SYNE1: variants seen among roughly 807,000 people sequenced by gnomAD.
The protein encoded by SYNE1 is nesprin-1.
Under a neutral mutation model 1,111.0 loss-of-function variants are expected in SYNE1, and 616 were observed. That is an observed-to-expected ratio of 0.55 (90% CI 0.52 to 0.59). SYNE1 has a LOEUF of 0.59. SYNE1 is among the 20% of genes least tolerant of loss of function. The probability of loss-of-function intolerance (pLI) is 0.00; values close to 1 mark genes in which losing one functional copy is unlikely to be tolerated. For synonymous variants in SYNE1, 3,855 were observed against 3,825.8 expected (o/e 1.01, Z -0.28); for missense variants, 10,006 against 10,417.0 (o/e 0.96, Z 1.72).
At chr6:152,361,313 C>T (rs1265838957) in intron 64 of SYNE1, among the ~76,000 whole-genome samples, 1 of 152,180 alleles carries the variant, frequency 6.6e-6, no homozygotes. Flanking sequence ...GGAGATTGAG[C>T]TTATCCTGTA....
intron 87 of SYNE1, among the ~76,000 whole-genome samples, chr6:152,313,327 G>A (rs985788446): frequency 1.3e-5 from 2 of 152,040 alleles, no homozygotes; most frequent in African/African-American, 4.8e-5. Context: ...TAATTATTCT[G>A]TGACTAAGAA....
At chr6:152,262,590 G>A (rs938134286) in intron 100 of SYNE1, among the ~76,000 whole-genome samples, 4 of 152,184 alleles carry the variant, frequency 2.6e-5, no homozygotes, top group Non-Finnish European at 5.9e-5. Context: ...GCAGGACACA[G>A]GAGGGTACAA....
In SYNE1 at chr6:152,614,312, A is replaced by C. The variant is rs1583456093; in HGVS notation, c.67+13953T>G. Among the ~76,000 whole-genome samples the C allele has an allele frequency of 5.3e-5, 8 of 152,226 alleles. No homozygotes were observed. In the South Asian group the frequency reaches 1.4e-3, roughly 28 times the overall value. ...AAAAAAACAAACAACCCCATCAAAA[A>C]GTGGGCAAAGGATATAAACAGACAC... is the stretch of plus-strand genomic sequence containing the variant. On this transcript the variant is annotated intron_variant, in intron 3 of 145. Transcript: ENST00000367255.
intron 140 of SYNE1, among the ~76,000 whole-genome samples, chr6:152,138,006 G>A (rs1014194955): frequency 5.3e-5 from 8 of 152,134 alleles, no homozygotes; most frequent in African/African-American, 1.7e-4. Flanking sequence ...AACTTTTTAA[G>A]GAATCTGGTT....
intron 107 of SYNE1, among the ~76,000 whole-genome samples, chr6:152,240,445 G>T (rs919293881): frequency 2.0e-5 from 3 of 152,134 alleles, no homozygotes; most frequent in Non-Finnish European, 2.9e-5. Context: ...TTATAAATTT[G>T]CTTTCCTTGT....
At chr6:152,147,535 CA>C (rs1353940409) in intron 137 of SYNE1, 1 of 153,460 alleles carries the variant, frequency 6.5e-6, no homozygotes, top group African/African-American at 2.4e-5. Flanking sequence ...TGCCAATGAT[CA>C]AAAGCACCAG....
At chr6:152,597,815 C>T (rs983303564) in intron 3 of SYNE1, among the ~76,000 whole-genome samples, 2 of 152,164 alleles carry the variant, frequency 1.3e-5, no homozygotes, top group African/African-American at 4.8e-5. Context: ...TTTTTCTTCT[C>T]TAGAAAATCT....
intron 127 of SYNE1, among the ~76,000 whole-genome samples, chr6:152,195,408 G>A (rs901279612): frequency 4.6e-5 from 7 of 152,096 alleles, no homozygotes; most frequent in Non-Finnish European, 8.8e-5. Context: ...AGTTGTAGTC[G>A]GGACTTGTTT....
chr6:152,448,871 C>CAG (rs1564098545), intron 28 of SYNE1, among the ~76,000 whole-genome samples: 1 of 139,962 alleles, frequency 7.1e-6, no homozygotes, highest in African/African-American at 2.7e-5. Flanking sequence ...CAAACAAACA[C>CAG]TCAAAGGACA....
chr6:152,402,041 T>C (rs2097827883), intron 46 of SYNE1, among the ~76,000 whole-genome samples: 1 of 151,980 alleles, frequency 6.6e-6, no homozygotes, highest in South Asian at 2.1e-4. Flanking sequence ...TGGAAGGGAG[T>C]AAATATCTTT....
intron 3 of SYNE1, among the ~76,000 whole-genome samples, chr6:152,583,155 A>G (rs969949953): frequency 6.6e-6 from 1 of 152,202 alleles, no homozygotes; most frequent in Non-Finnish European, 1.5e-5. Flanking sequence ...CATTAAATAT[A>G]TATTTTGAGT....
At chr6:152,481,530 A>C (rs2098898834) in intron 14 of SYNE1, 2 of 453,254 alleles carry the variant, frequency 4.4e-6, no homozygotes, top group South Asian at 3.1e-5. Flanking sequence ...AGAAACATGC[A>C]CATGTACCCC....
chr6:152,413,333 T>C lies in SYNE1; in HGVS notation c.6230+19A>G, dbSNP rs2154176856. 1.2e-6 allele frequency: 2 copies of C among 1,613,968 alleles called. No homozygotes were observed. Among genetic ancestry groups the C allele is most frequent in the Non-Finnish European group, 1.7e-6 (2 of 1,179,920 alleles). ...TAAGTGGGAAGCTAAAAACAAGAAC[T>C]GGGTGGGTTTTGACTTACTTTTCAT... On this transcript the variant is annotated intron_variant, in intron 42 of 145. Transcript: ENST00000367255.
chr6:152,140,310 T>A lies in SYNE1; in HGVS notation c.25247-149A>T, dbSNP rs2058253345. 40 of 768,416 alleles carry A rather than the reference T, an allele frequency of 5.2e-5. No individual in the cohort carries two copies. In the South Asian group the frequency reaches 6.0e-4, roughly 12 times the overall value. The allele number at this position is 768,416 out of a possible 1,614,324, so 47.6% of individuals were successfully genotyped here. A position where few individuals can be genotyped will look rare whatever the true frequency, so the allele number is the denominator to read the frequency against. On this transcript the variant is annotated intron_variant, in intron 139 of 145. Transcript: ENST00000367255. ...CATTTTCGTTGTTGTCATCTGGAAA[T>A]AACAGTTACATGGGTACAATGGCTG...
At chr6:152,406,694 C>T (rs980177788) in intron 45 of SYNE1, among the ~76,000 whole-genome samples, 2 of 151,856 alleles carry the variant, frequency 1.3e-5, no homozygotes, top group African/African-American at 4.8e-5. Context: ...ATGGTGAAAT[C>T]CCATCTCTAC....
At chr6:152,124,930 G>C (rs2052828949) in intron 145 of SYNE1, among the ~76,000 whole-genome samples, 1 of 152,128 alleles carries the variant, frequency 6.6e-6, no homozygotes, top group Non-Finnish European at 1.5e-5. Flanking sequence ...TTTATGTTGG[G>C]TTCTGTCATT....
chr6:152,330,219 T>C lies in SYNE1; in HGVS notation c.14466A>G (p.Ala4822=). ...CAATCCCTGAGTCCTGGAGACTTCC[T>C]GCCAGGGAGTGATACATTTTGAGCT... ...EEKLKMYHSL[A]GSLQDSGIVL... Residue 4822 remains alanine (A), a synonymous_variant, in exon 78 of 146, where the codon GCA becomes GCG. Transcript: ENST00000367255. 6.2e-7 allele frequency: 1 copy of C among 1,614,176 alleles called. No homozygotes were observed. The highest frequency in any genetic ancestry group is 1.1e-5 in the South Asian group (1 of 91,076).
chr6:152,229,115 A>G (rs4142054), intron 115 of SYNE1, among the ~76,000 whole-genome samples: 97,493 of 151,962 alleles, frequency 0.64, 31,700 homozygotes, highest in East Asian at 0.78. Context: ...CAGAAAACAT[A>G]ATGATTGGAA....
At chr6:152,250,549 A>T (rs1034117308) in intron 104 of SYNE1, among the ~76,000 whole-genome samples, 2 of 152,228 alleles carry the variant, frequency 1.3e-5, no homozygotes, top group African/African-American at 2.4e-5. Context: ...AAAAATTATA[A>T]AATTGAAAAT....
Sources: allele counts gnomAD v4.1 joint callset (sites outside exome capture counted in the v4.1 genomes callset), GRCh38; gene constraint gnomAD v4.1.1; transcripts MANE v1.5; gene names NCBI Gene and HGNC (gene_info 2026-07-23, HGNC 2026-07-21).